Variants in FER1L6 observed in about 807,000 individuals in gnomAD.
The protein encoded by FER1L6 is fer-1 like family member 6.
Under a neutral mutation model 219.2 loss-of-function variants are expected in FER1L6, and 177 were observed. The observed-to-expected ratio is 0.81, with a 90% CI of 0.71 to 0.91. The LOEUF is 0.91. Ranked by LOEUF, FER1L6 falls within the 40% of genes least tolerant of loss-of-function variation. The probability of loss-of-function intolerance (pLI) is 0.00; values close to 1 mark genes in which losing one functional copy is unlikely to be tolerated. For missense variants in FER1L6, 2,153 were observed against 2,259.9 expected, an observed-to-expected ratio of 0.95 and a Z score of 0.96; for synonymous variants, 768 against 824.3, an observed-to-expected ratio of 0.93 and a Z score of 1.17.
At chr8:123,972,728 TTC>T (rs1339804880) in intron 6 of FER1L6, among the ~76,000 whole-genome samples, 4 of 152,220 alleles carry the variant, frequency 2.6e-5, no homozygotes, top group African/African-American at 7.2e-5. Flanking sequence ...TTAAAGACAC[TTC>T]AGTTGCCATT....
chr8:124,118,061 A>G (rs905568423), intron 39 of FER1L6, among the ~76,000 whole-genome samples: 1 of 152,196 alleles, frequency 6.6e-6, no homozygotes, highest in Non-Finnish European at 1.5e-5. Flanking sequence ...TAGGAGCTCC[A>G]GGAGATCAGA....
intron 22 of FER1L6, among the ~76,000 whole-genome samples, chr8:124,054,486 C>G (rs72714700): frequency 6.6e-6 from 1 of 152,110 alleles, no homozygotes; most frequent in African/African-American, 2.4e-5. Flanking sequence ...GACCACAAAA[C>G]ATTTTTTCAC....
chr8:124,049,554 G>T lies in FER1L6; in HGVS notation c.2725-53G>T, dbSNP rs143525381. ...GAGGTGATGGCATTGATGTGGATCA[G>T]AACCAGGTAATTAATGATCAGGAAA... On this transcript the variant is annotated intron_variant, in intron 21 of 40. Coordinates refer to ENST00000522917, the MANE Select transcript of FER1L6 (RefSeq NM_001039112.2). 4.8e-3 allele frequency: 7,605 copies of T among 1,591,944 alleles called. 599 individuals carry two copies. The Admixed American group carries it at 0.12, about 25-fold the overall frequency.
intron 36 of FER1L6, 125 bp from the exon 37 acceptor site, chr8:124,097,660 T>C (rs1822365078): frequency 1.5e-6 from 1 of 646,224 alleles, no homozygotes; most frequent in African/African-American, 1.8e-5. Flanking sequence ...CCCCTAAGTG[T>C]TGATATTTCT....
At chr8:123,989,051 T>C (rs1816730238) in intron 12 of FER1L6, among the ~76,000 whole-genome samples, 1 of 151,958 alleles carries the variant, frequency 6.6e-6, no homozygotes, top group South Asian at 2.1e-4. Context: ...GATGTTAAAT[T>C]TTATCAAATG....
intron 22 of FER1L6, among the ~76,000 whole-genome samples, chr8:124,056,933 A>G (rs1230078623): frequency 6.6e-6 from 1 of 152,158 alleles, no homozygotes; most frequent in African/African-American, 2.4e-5. Context: ...AATCCCAGCT[A>G]CTCAGGAGGC....
In FER1L6 at chr8:124,103,212, C is replaced by T. The variant is rs1212384704; in HGVS notation, c.5192C>T (p.Ala1731Val). The T allele has an allele frequency of 2.0e-5, 32 of 1,614,070 alleles. No individual in the cohort carries two copies. Among genetic ancestry groups the T allele is most frequent in the Non-Finnish European group, 2.7e-5 (32 of 1,179,964 alleles). Residue 1731 changes from alanine to valine, a missense_variant, in exon 39 of 41, where the codon GCC (alanine) becomes GTC (valine). By Grantham distance (64) the Ala-to-Val change is moderately conservative (BLOSUM62 0). Coordinates refer to ENST00000522917, the MANE Select transcript of FER1L6 (RefSeq NM_001039112.2). Reference protein sequence around the residue: ...AAKSAKACDLAKFENASEETK... With the variant: ...AAKSAKACDLVKFENASEETK... ...AAGTCTGCCAAAGCCTGTGATCTTG[C>T]CAAGTTTGAAAATGCAAGTGAGGAG...
chr8:124,089,275 G>T (rs760506037), intron 33 of FER1L6, among the ~76,000 whole-genome samples: 2 of 152,118 alleles, frequency 1.3e-5, no homozygotes, highest in Non-Finnish European at 2.9e-5. Flanking sequence ...GTTTCTTTCT[G>T]CTGTGACAGG....
At position 124,039,338 on chromosome 8, in the gene FER1L6, A is replaced by G. The variant is rs116950372; in HGVS notation, c.2465-544A>G. Among the ~76,000 whole-genome samples the G allele has an allele frequency of 6.8e-3, 1,039 of 152,272 alleles. 5 individuals carry two copies. Among genetic ancestry groups the G allele is most frequent in the Non-Finnish European group, 0.011 (736 of 68,030 alleles). On this transcript the variant is annotated intron_variant, in intron 19 of 40. Transcript: ENST00000522917. ...TGAGTCAATGGATGACTTGAGACAT[A>G]TATTGTGTTTACTGAAGTGAAAACT...
chr8:123,857,298 C>T (rs1586422787), intron 1 of FER1L6, among the ~76,000 whole-genome samples: 1 of 152,080 alleles, frequency 6.6e-6, no homozygotes, highest in Non-Finnish European at 1.5e-5. Flanking sequence ...TCACTTGAGG[C>T]CAGGAGTTCA....
intron 13 of FER1L6, among the ~76,000 whole-genome samples, chr8:124,005,726 G>A (rs1022785583): frequency 6.6e-6 from 1 of 152,212 alleles, no homozygotes; most frequent in Non-Finnish European, 1.5e-5. Context: ...TACTATAACT[G>A]GATTGGGTAC....
At chr8:124,074,549 G>A (rs1432336592) in intron 31 of FER1L6, among the ~76,000 whole-genome samples, 1 of 151,838 alleles carries the variant, frequency 6.6e-6, no homozygotes, top group African/African-American at 2.4e-5. Context: ...CTACTTGGGA[G>A]GCTGAGGTGG....
intron 1 of FER1L6, among the ~76,000 whole-genome samples, chr8:123,904,829 G>A (rs574613958): frequency 3.7e-4 from 56 of 152,338 alleles, no homozygotes; most frequent in African/African-American, 1.3e-3. Flanking sequence ...ACAGTAGTAT[G>A]TTGGTGCCAG....
At chr8:124,052,118 G>A (rs372972708) in intron 22 of FER1L6, among the ~76,000 whole-genome samples, 1 of 152,190 alleles carries the variant, frequency 6.6e-6, no homozygotes, top group South Asian at 2.1e-4. Context: ...GATTTGTGTT[G>A]CACAGTAAAA....
chr8:123,898,685 A>G (rs1812792622), intron 1 of FER1L6, among the ~76,000 whole-genome samples: 2 of 145,534 alleles, frequency 1.4e-5, no homozygotes, highest in South Asian at 4.2e-4. Flanking sequence ...ATATATACAT[A>G]TATGTACATA....
At chr8:124,032,099 T>C (rs4389918) in intron 18 of FER1L6, among the ~76,000 whole-genome samples, 46,224 of 151,916 alleles carry the variant, frequency 0.3, 7,181 homozygotes, top group South Asian at 0.36. Flanking sequence ...AAATGAATGA[T>C]GTTTTTTGTC....
chr8:124,113,741 AT>A (rs1823113745), intron 39 of FER1L6, among the ~76,000 whole-genome samples: 1 of 152,150 alleles, frequency 6.6e-6, no homozygotes, highest in African/African-American at 2.4e-5. Context: ...TTCTCATCAT[AT>A]TGCTTATCTT....
intron 31 of FER1L6, among the ~76,000 whole-genome samples, chr8:124,072,739 T>C (rs1301908661): frequency 6.6e-6 from 1 of 152,130 alleles, no homozygotes; most frequent in Non-Finnish European, 1.5e-5. Context: ...ACAGTGTAGT[T>C]GGAAAGATGA....
intron 1 of FER1L6, among the ~76,000 whole-genome samples, chr8:123,886,072 T>G (rs1817195911): frequency 2.0e-5 from 3 of 152,226 alleles, no homozygotes; most frequent in Admixed American, 6.5e-5. Flanking sequence ...GTACTTCCTT[T>G]GTGCACCTAA....
Sources: gnomAD v4.1 joint callset for allele counts (sites outside exome capture counted in the v4.1 genomes callset) on GRCh38, gnomAD v4.1.1 for gene constraint, MANE v1.5 for transcripts, NCBI Gene and HGNC (gene_info 2026-07-23, HGNC 2026-07-21) for gene names.